Variants in MAGI1 observed in about 807,000 individuals in gnomAD.
MAGI1 encodes membrane associated guanylate kinase, WW and PDZ domain containing 1, also known as membrane-associated guanylate kinase, WW and PDZ domain-containing protein 1.
Under a neutral mutation model 139.9 loss-of-function variants are expected in MAGI1, and 58 were observed. The observed-to-expected ratio is 0.41, with a 90% CI of 0.34 to 0.52. The LOEUF is 0.52. Among genes scored for constraint, MAGI1 ranks in the 20% least tolerant of loss-of-function variants. The probability of loss-of-function intolerance (pLI) is 0.12; values close to 1 mark genes in which losing one functional copy is unlikely to be tolerated. For synonymous variants in MAGI1, 812 were observed against 737.9 expected (o/e 1.10, Z -1.63); for missense variants, 1,874 against 1,901.6 (o/e 0.99, Z 0.27).
At chr3:65,601,725 C>T (rs943065828) in intron 2 of MAGI1, among the ~76,000 whole-genome samples, 10 of 133,596 alleles carry the variant, frequency 7.5e-5, no homozygotes, top group Admixed American at 7.2e-4. Context: ...ACCAAAAGCA[C>T]AAATAAAAAA....
chr3:65,791,216 G>T (rs1421906497), intron 1 of MAGI1, among the ~76,000 whole-genome samples: 1 of 152,176 alleles, frequency 6.6e-6, no homozygotes, highest in Non-Finnish European at 1.5e-5. Context: ...GCCAATGACT[G>T]GTGCAGACCC....
chr3:65,967,535 G>A (rs954199321), intron 1 of MAGI1, among the ~76,000 whole-genome samples: 1 of 152,220 alleles, frequency 6.6e-6, no homozygotes, highest in Non-Finnish European at 1.5e-5. Flanking sequence ...GGGGCCAATG[G>A]CTGAGAAACA....
intron 9 of MAGI1, among the ~76,000 whole-genome samples, chr3:65,438,841 T>C (rs1164279452): frequency 2.0e-5 from 3 of 152,246 alleles, no homozygotes; most frequent in Non-Finnish European, 4.4e-5. Context: ...TTACATAATG[T>C]CTACAGCTAT....
At chr3:65,640,253 G>C (rs1247783895) in intron 1 of MAGI1, among the ~76,000 whole-genome samples, 1 of 152,014 alleles carries the variant, frequency 6.6e-6, no homozygotes, top group African/African-American at 2.4e-5. Context: ...TGTTTCTCTA[G>C]GGAACACTGA....
chr3:65,700,275 C>G (rs181312983), intron 1 of MAGI1, among the ~76,000 whole-genome samples: 157 of 152,110 alleles, frequency 1.0e-3, no homozygotes, highest in African/African-American at 3.6e-3. Context: ...AATCCGGCCT[C>G]TACTAAAAAC....
intron 1 of MAGI1, among the ~76,000 whole-genome samples, chr3:65,673,577 C>A (rs1358974918): frequency 1.3e-5 from 2 of 152,152 alleles, no homozygotes; most frequent in African/African-American, 4.8e-5. Context: ...TCTGCCACAG[C>A]CTGCTGTGTG....
intron 2 of MAGI1, among the ~76,000 whole-genome samples, chr3:65,529,677 G>A (rs1015865839): frequency 6.6e-6 from 1 of 152,114 alleles, no homozygotes; most frequent in Non-Finnish European, 1.5e-5. Flanking sequence ...GAACATTCAT[G>A]TATGAGTTTC....
chr3:65,743,620 G>C (rs1480726950), intron 1 of MAGI1, among the ~76,000 whole-genome samples: 2 of 152,006 alleles, frequency 1.3e-5, no homozygotes, highest in Non-Finnish European at 2.9e-5. Context: ...TGAGGCAGGA[G>C]AATTGCTTGA....
chr3:65,361,171 G>A, intron 22 of MAGI1, 28 bp downstream of exon 22: 1 of 1,614,116 alleles, frequency 6.2e-7, no homozygotes, highest in South Asian at 1.1e-5. Context: ...GCCAGGGAAG[G>A]AAGGAATGTT....
At chr3:65,809,103 G>A (rs2041057297) in intron 1 of MAGI1, among the ~76,000 whole-genome samples, 2 of 152,170 alleles carry the variant, frequency 1.3e-5, no homozygotes, top group African/African-American at 2.4e-5. Flanking sequence ...GGGCCCATGG[G>A]TAGGTTATTA....
At chr3:65,579,705 G>A (rs543431394) in intron 2 of MAGI1, among the ~76,000 whole-genome samples, 6 of 152,180 alleles carry the variant, frequency 3.9e-5, no homozygotes, top group Non-Finnish European at 7.4e-5. Flanking sequence ...AAAGTAGCCG[G>A]GAGTGGTGAC....
At chr3:65,901,459 C>G (rs781415028) in intron 1 of MAGI1, among the ~76,000 whole-genome samples, 2 of 152,164 alleles carry the variant, frequency 1.3e-5, no homozygotes, top group Non-Finnish European at 2.9e-5. Flanking sequence ...CTTTCTTGTA[C>G]AGTCTTGTTT....
intron 1 of MAGI1, among the ~76,000 whole-genome samples, chr3:66,017,900 T>C (rs1444319081): frequency 2.0e-5 from 3 of 151,858 alleles, no homozygotes; most frequent in Admixed American, 6.7e-5. Flanking sequence ...ACCATTAGAA[T>C]AGTTAAACAA....
intron 1 of MAGI1, among the ~76,000 whole-genome samples, chr3:65,622,884 A>G (rs2107073963): frequency 6.6e-6 from 1 of 152,184 alleles, no homozygotes; most frequent in African/African-American, 2.4e-5. Context: ...AGCTTTTTTT[A>G]TGACGGTAAA....
intron 2 of MAGI1, among the ~76,000 whole-genome samples, chr3:65,618,747 C>T (rs965129507): frequency 6.6e-6 from 1 of 152,148 alleles, no homozygotes; most frequent in South Asian, 2.1e-4. Flanking sequence ...ATAAGACTCA[C>T]CTTATAGGAT....
chr3:65,606,241 TC>T (rs1320512571), intron 2 of MAGI1, among the ~76,000 whole-genome samples: 1 of 152,324 alleles, frequency 6.6e-6, no homozygotes, highest in African/African-American at 2.4e-5. Flanking sequence ...CACGTATCTT[TC>T]CACATCCAAA....
rs78718489 is a variant in MAGI1, at chr3:65,958,615, C to G, written c.313+79381G>C. Among the ~76,000 whole-genome samples, 1,421 of 152,270 alleles carry G rather than the reference C, an allele frequency of 9.3e-3. 20 individuals carry two copies. The highest frequency in any genetic ancestry group is 0.032 in the African/African-American group (1,342 of 41,542). ...GTAGACTTAACTTCCAAAAGTCGTA[C>G]AGAAGACAACAGAGTTCCGGGTAAT... On this transcript the variant is annotated intron_variant, in intron 1 of 22. Transcript: ENST00000402939.
At chr3:65,675,616 T>G (rs781248131) in intron 1 of MAGI1, among the ~76,000 whole-genome samples, 1 of 152,214 alleles carries the variant, frequency 6.6e-6, no homozygotes, top group Non-Finnish European at 1.5e-5. Context: ...CAAGTAGGTC[T>G]TAATTCAAAA....
At chr3:65,663,315 C>CA (rs1285113178) in intron 1 of MAGI1, among the ~76,000 whole-genome samples, 2 of 152,134 alleles carry the variant, frequency 1.3e-5, no homozygotes, top group Non-Finnish European at 2.9e-5. Context: ...TCAATTGCTA[C>CA]AAAAACGTCT....
Sources: allele counts gnomAD v4.1 joint callset (sites outside exome capture counted in the v4.1 genomes callset), GRCh38; gene constraint gnomAD v4.1.1; transcripts MANE v1.5; gene names NCBI Gene and HGNC (gene_info 2026-07-23, HGNC 2026-07-21).